Variants in PDE5A observed in about 807,000 individuals in gnomAD.
PDE5A encodes the protein cGMP-specific 3',5'-cyclic phosphodiesterase.
In PDE5A, 67 loss-of-function variants were observed where a neutral mutation model predicts 110.2. The ratio of observed to expected loss-of-function variants is 0.61; its 90% CI spans 0.50 to 0.75. PDE5A has a LOEUF of 0.75. Ranked by LOEUF, PDE5A falls within the 30% of genes least tolerant of loss-of-function variation. The pLI, the probability that PDE5A is intolerant of heterozygous loss-of-function variation, is 0.00. For missense variants in PDE5A, 862 were observed against 1,045.1 expected, an observed-to-expected ratio of 0.82 and a Z score of 2.42; for synonymous variants, 328 against 351.2, an observed-to-expected ratio of 0.93 and a Z score of 0.74.
chr4:119,625,795 A>C (rs1730325674), intron 1 of PDE5A, among the ~76,000 whole-genome samples: 1 of 152,152 alleles, frequency 6.6e-6, no homozygotes, highest in African/African-American at 2.4e-5. Flanking sequence ...CAAAATGTGA[A>C]CCACACTGGG....
chr4:119,582,203 G>C (rs1728610996), intron 3 of PDE5A, among the ~76,000 whole-genome samples: 1 of 152,178 alleles, frequency 6.6e-6, no homozygotes, highest in African/African-American at 2.4e-5. Context: ...CTAAGTTTAT[G>C]TAATATTCTA....
chr4:119,605,115 A>T (rs1578819520), intron 2 of PDE5A, among the ~76,000 whole-genome samples: 2 of 151,884 alleles, frequency 1.3e-5, no homozygotes, highest in East Asian at 3.9e-4. Context: ...ATCTTCAGTT[A>T]CTCCTCATGT....
intron 14 of PDE5A, chr4:119,512,291 C>T (rs973531985): frequency 1.3e-5 from 2 of 152,086 alleles, no homozygotes; most frequent in South Asian, 2.1e-4. Context: ...TTACTGTTGT[C>T]CTAACCTTTC....
chr4:119,584,985 A>T (rs541632428), intron 3 of PDE5A, among the ~76,000 whole-genome samples: 1 of 152,302 alleles, frequency 6.6e-6, no homozygotes, highest in Admixed American at 6.5e-5. Context: ...ATAATATTTT[A>T]AAAGTCTTGG....
intron 18 of PDE5A, among the ~76,000 whole-genome samples, chr4:119,503,028 A>G (rs1328940167): frequency 6.6e-6 from 1 of 152,172 alleles, no homozygotes; most frequent in Non-Finnish European, 1.5e-5. Flanking sequence ...CCTGGTTAGA[A>G]ATAAATAGGC....
At chr4:119,617,594 A>G (rs1163739353) in intron 1 of PDE5A, among the ~76,000 whole-genome samples, 1 of 152,200 alleles carries the variant, frequency 6.6e-6, no homozygotes, top group African/African-American at 2.4e-5. Context: ...CTAGAAAAGT[A>G]AGGAAAAGAG....
At position 119,596,564 on chromosome 4, in the gene PDE5A, G is replaced by T. The variant is rs762343571; in HGVS notation, c.790C>A (p.Gln264Lys). Residue 264 changes from glutamine to lysine, a missense_variant, in exon 3 of 21, where the codon CAA (glutamine) becomes AAA (lysine). Physicochemically the swap from Gln to Lys is moderately conservative, Grantham distance 53. Transcript: ENST00000354960. The part of the protein sequence containing the change: ...EVDQITGYKT[Q>K]SILCMPIKNH... ...TTAATTGGCATACAAAGAATGCTTT[G>T]TGTCTTGTAGCCTGTAATTTGGTCA... The T allele has an allele frequency of 1.2e-6, 2 of 1,601,076 alleles. No individual in the cohort carries two copies. Among genetic ancestry groups the T allele is most frequent in the South Asian group, 2.3e-5 (2 of 88,066 alleles).
Position 119,552,649 on chromosome 4 carries a change from T to TA in PDE5A, c.1309-13dup. 1 of 1,444,516 alleles carries TA rather than the reference T, an allele frequency of 6.9e-7. No homozygotes were observed. The highest frequency in any genetic ancestry group is 9.4e-7 in the Non-Finnish European group (1 of 1,066,038). 89.5% of individuals were successfully genotyped at this position (1,444,516 alleles called of 1,614,324 possible). On this transcript the variant is annotated splice_polypyrimidine_tract_variant and intron_variant, in intron 8 of 20. Transcript: ENST00000354960. ...CCTGTATTTTCAGTCTAAACAAAAA[T>TA]AAAAAGAACAAAACAGCTAAAATGG... is the stretch of plus-strand genomic sequence containing the variant.
At chr4:119,524,540 C>T (rs1385166744) in intron 12 of PDE5A, among the ~76,000 whole-genome samples, 2 of 152,108 alleles carry the variant, frequency 1.3e-5, no homozygotes, top group African/African-American at 2.4e-5. Flanking sequence ...TCCAATAATA[C>T]CATAAATGAC....
At chr4:119,586,755 G>T (rs530083901) in intron 3 of PDE5A, among the ~76,000 whole-genome samples, 1 of 152,092 alleles carries the variant, frequency 6.6e-6, no homozygotes, top group Non-Finnish European at 1.5e-5. Flanking sequence ...AAAATGTAAT[G>T]CATTCCAAAA....
chr4:119,578,275 C>T (rs1362367520), intron 3 of PDE5A, among the ~76,000 whole-genome samples: 1 of 152,082 alleles, frequency 6.6e-6, no homozygotes, highest in African/African-American at 2.4e-5. Flanking sequence ...AGGTAATTTA[C>T]AGATTCAATG....
Position 119,520,995 on chromosome 4 carries a change from C to G in PDE5A, c.1845G>C (p.Trp615Cys). 1 of 1,613,026 alleles carries G rather than the reference C, an allele frequency of 6.2e-7. No homozygotes were observed. Among genetic ancestry groups the G allele is most frequent in the Non-Finnish European group, 8.5e-7 (1 of 1,179,204 alleles). The change falls in exon 13 of 21, where the codon TGG becomes TGC. Residue 615 changes from tryptophan to cysteine, a missense_variant. By Grantham distance (215) the Trp-to-Cys change is radical. Transcript: ENST00000354960. ...NYRKNVAYHN[W>C]RHAFNTAQCM... ...ACTGAGCTGTATTAAAGGCATGTCT[C>G]CAATTATGATAGGCAACATTCTTCC...
chr4:119,606,514 A>G (rs1729535316), intron 2 of PDE5A, among the ~76,000 whole-genome samples, 195 bp downstream of exon 2: 1 of 152,230 alleles, frequency 6.6e-6, no homozygotes, highest in Non-Finnish European at 1.5e-5. Context: ...AACCACCAGG[A>G]AAGAAACTCT....
intron 3 of PDE5A, among the ~76,000 whole-genome samples, chr4:119,593,799 G>A (rs1047282829): frequency 1.3e-5 from 2 of 152,202 alleles, no homozygotes; most frequent in African/African-American, 2.4e-5. Flanking sequence ...ATAAAGGAAA[G>A]AGATTTAATT....
At chr4:119,513,630 A>C (rs1725820126) in intron 14 of PDE5A, among the ~76,000 whole-genome samples, 1 of 152,172 alleles carries the variant, frequency 6.6e-6, no homozygotes. Flanking sequence ...TAATGTGCTC[A>C]AGGTTGATAT....
intron 2 of PDE5A, among the ~76,000 whole-genome samples, chr4:119,602,742 A>G (rs908211932): frequency 1.3e-5 from 2 of 152,272 alleles, no homozygotes; most frequent in African/African-American, 4.8e-5. Context: ...AAGAAACTGC[A>G]TGGTGAAAGA....
At chr4:119,532,150 T>C (rs565957360) in intron 11 of PDE5A, among the ~76,000 whole-genome samples, 2 of 152,274 alleles carry the variant, frequency 1.3e-5, no homozygotes, top group South Asian at 4.1e-4. Flanking sequence ...ATAGGCTTTC[T>C]AAAAGTCTGG....
intron 3 of PDE5A, among the ~76,000 whole-genome samples, chr4:119,587,509 G>A (rs1004791694): frequency 1.3e-5 from 2 of 151,752 alleles, no homozygotes; most frequent in South Asian, 2.1e-4. Flanking sequence ...TCAGCCTCCC[G>A]AGTAGCTGGG....
At chr4:119,527,692 G>A (rs895648974) in intron 11 of PDE5A, among the ~76,000 whole-genome samples, 2 of 151,272 alleles carry the variant, frequency 1.3e-5, no homozygotes, top group African/African-American at 4.9e-5. Flanking sequence ...TTGTTTTAGT[G>A]ACTTTTATTC....
Sources: gnomAD v4.1 joint callset for allele counts (sites outside exome capture counted in the v4.1 genomes callset) on GRCh38, gnomAD v4.1.1 for gene constraint, MANE v1.5 for transcripts, NCBI Gene and HGNC (gene_info 2026-07-23, HGNC 2026-07-21) for gene names.